The following GLT8D2 variants were observed in gnomAD, a reference collection of about 807,000 sequenced individuals.
The protein encoded by GLT8D2 is glycosyltransferase 8 domain-containing protein 2.
A neutral mutation model predicts 44.5 loss-of-function variants in GLT8D2; 45 were observed. The ratio of observed to expected loss-of-function variants is 1.01; its 90% confidence interval spans 0.80 to 1.30. The LOEUF is 1.30. Ranked by LOEUF, GLT8D2 falls within the 50% of genes most tolerant of loss-of-function variation. The pLI is 0.00. For synonymous variants in GLT8D2, 156 were observed against 157.2 expected (o/e 0.99, Z 0.06); for missense variants, 400 against 430.4 (o/e 0.93, Z 0.62).
upstream of GLT8D2, among the ~76,000 whole-genome samples, chr12:104,053,607 G>A (rs1046370076): frequency 2.0e-5 from 3 of 152,194 alleles, no homozygotes; most frequent in East Asian, 1.9e-4. Context: ...ATATTTAGCC[G>A]GGCGCGGTGG....
chr12:103,994,255 C>A, intron 9 of GLT8D2, 80 bp downstream of exon 9: 2 of 1,372,660 alleles, frequency 1.5e-6, no homozygotes, highest in East Asian at 2.4e-5. Context: ...ATATTTCTAA[C>A]CCTTGAACTA....
At chr12:104,029,205 G>T (rs1211595876) in intron 1 of GLT8D2, among the ~76,000 whole-genome samples, 4 of 152,190 alleles carry the variant, frequency 2.6e-5, no homozygotes, top group Admixed American at 1.3e-4. Flanking sequence ...CAGGAGAATC[G>T]CTTGAACCTG....
At chr12:104,027,381 T>C (rs1262852467) in intron 1 of GLT8D2, among the ~76,000 whole-genome samples, 1 of 152,228 alleles carries the variant, frequency 6.6e-6, no homozygotes, top group East Asian at 1.9e-4. Context: ...AAAGAAGCCA[T>C]CTGGTATCAC....
chr12:104,053,590 A>G (rs886993430), upstream of GLT8D2, among the ~76,000 whole-genome samples: 2 of 152,258 alleles, frequency 1.3e-5, no homozygotes, highest in Admixed American at 6.5e-5. Context: ...GTTTTTAAAC[A>G]AAAGTAATAT....
chr12:104,027,509 T>C (rs983300106), intron 1 of GLT8D2, among the ~76,000 whole-genome samples: 2 of 152,248 alleles, frequency 1.3e-5, no homozygotes, highest in Non-Finnish European at 2.9e-5. Flanking sequence ...TTAAACTGTT[T>C]TGAAATGAGG....
chr12:104,048,113 T>C (rs1184698331), intron 1 of GLT8D2, among the ~76,000 whole-genome samples: 2 of 152,184 alleles, frequency 1.3e-5, no homozygotes, highest in African/African-American at 4.8e-5. Flanking sequence ...CACATGATAA[T>C]CTTATGTCCT....
chr12:104,035,013 C>A (rs180956796), intron 1 of GLT8D2, among the ~76,000 whole-genome samples: 1 of 152,186 alleles, frequency 6.6e-6, no homozygotes, highest in Non-Finnish European at 1.5e-5. Flanking sequence ...CTGGTGATAC[C>A]GAGGCAAACA....
rs1397595420 is a variant in GLT8D2, at chr12:104,022,062, GAAAGAAAGAAAGAAAAAA to G, written c.-163-589_-163-572del. 3.7e-5 allele frequency among the ~76,000 whole-genome samples: 4 copies of G among 107,506 alleles called. 1 individual carries two copies. Among genetic ancestry groups the G allele is most frequent in the East Asian group, 5.4e-4 (2 of 3,726 alleles). 70.5% of individuals were successfully genotyped at this position (107,506 alleles called of 152,430 possible). ...AGAAGAAGAAGAAGAAGAAGGGAAA[GAAAGAAAGAAAGAAAAAA>G]AAAGAAAGAAAGAAAGAAGAAAAGA... On this transcript the variant is annotated intron_variant, in intron 1 of 10. Coordinates refer to ENST00000360814, the MANE Select transcript of GLT8D2 (RefSeq NM_001384711.1).
At chr12:104,052,723 C>T (rs986890977), upstream of GLT8D2, among the ~76,000 whole-genome samples, 2 of 152,002 alleles carry the variant, frequency 1.3e-5, no homozygotes, top group Non-Finnish European at 2.9e-5. Flanking sequence ...TGCCCCTCCT[C>T]TTCTCTCTTT....
At chr12:104,019,859 T>C (rs746783896) in intron 2 of GLT8D2, among the ~76,000 whole-genome samples, 183 bp from the exon 3 acceptor site, 8 of 152,156 alleles carry the variant, frequency 5.3e-5, no homozygotes, top group Non-Finnish European at 8.8e-5. Context: ...TCAAAAGCAA[T>C]GCCTCTGGTT....
chr12:104,021,936 GAAGAAGAAGAAGAAGAA>G lies in GLT8D2; in HGVS notation c.-163-462_-163-446del, dbSNP rs1877803753. ...AGAAGAAGAAGAAGAAGAAGAAGAA[GAAGAAGAAGAAGAAGAA>G]GAGGAAGAAGAGGAAGAGGAAGAGG... On this transcript the variant is annotated intron_variant, in intron 1 of 10. Transcript: ENST00000360814. Among the ~76,000 whole-genome samples the G allele has an allele frequency of 6.2e-4, 16 of 25,620 alleles. 1 individual carries two copies. Among genetic ancestry groups the G allele is most frequent in the African/African-American group, 1.6e-3 (12 of 7,304 alleles). The allele number at this position is 25,620 out of a possible 152,430, so 16.8% of individuals were successfully genotyped here.
chr12:104,060,474 T>C (rs1275690452), intron 1 of GLT8D2, among the ~76,000 whole-genome samples: 1 of 152,196 alleles, frequency 6.6e-6, no homozygotes, highest in Admixed American at 6.5e-5. Context: ...TTGTCATAGA[T>C]TGAATTGTAT....
At chr12:104,018,193 A>T (rs1877136208) in intron 3 of GLT8D2, among the ~76,000 whole-genome samples, 1 of 152,050 alleles carries the variant, frequency 6.6e-6, no homozygotes, top group Non-Finnish European at 1.5e-5. Context: ...GCTGGTCTCG[A>T]ACTCCTGGAC....
At chr12:104,063,120 C>T (rs960432228) in intron 1 of GLT8D2, among the ~76,000 whole-genome samples, 19 of 152,138 alleles carry the variant, frequency 1.2e-4, no homozygotes, top group Admixed American at 5.2e-4. Flanking sequence ...CTGCCAAGTC[C>T]GTGGAAAAAT....
intron 6 of GLT8D2, among the ~76,000 whole-genome samples, chr12:103,998,409 A>C (rs1022347951): frequency 7.3e-5 from 11 of 151,480 alleles, no homozygotes; most frequent in Non-Finnish European, 1.3e-4. Flanking sequence ...TAGCTAATTA[A>C]AAAAAAATTT....
intron 1 of GLT8D2, among the ~76,000 whole-genome samples, chr12:104,036,372 G>A (rs1326097698): frequency 6.6e-6 from 1 of 152,098 alleles, no homozygotes; most frequent in Non-Finnish European, 1.5e-5. Flanking sequence ...TGGCAAATTG[G>A]ATAAAGAGTC....
intron 1 of GLT8D2, among the ~76,000 whole-genome samples, chr12:104,029,261 G>C (rs1404948660): frequency 2.6e-5 from 4 of 152,062 alleles, no homozygotes; most frequent in Non-Finnish European, 5.9e-5. Flanking sequence ...CTGTACTCCA[G>C]CCTGGTGACA....
chr12:104,031,555 G>A, intron 1 of GLT8D2: 1 of 1,611,214 alleles, frequency 6.2e-7, no homozygotes, highest in Non-Finnish European at 8.5e-7. Flanking sequence ...GGCCGGCGGG[G>A]AAGATACTGT....
intron 10 of GLT8D2, among the ~76,000 whole-genome samples, chr12:103,992,993 T>C (rs1420811268): frequency 3.3e-5 from 5 of 152,164 alleles, no homozygotes; most frequent in Non-Finnish European, 7.3e-5. Flanking sequence ...CCTGGTGCTG[T>C]ATGTAGCACC....
Sources: allele counts gnomAD v4.1 joint callset (sites outside exome capture counted in the v4.1 genomes callset), GRCh38; gene constraint gnomAD v4.1.1; transcripts MANE v1.5; gene names NCBI Gene and HGNC (gene_info 2026-07-23, HGNC 2026-07-21).